IRAG2: variants seen among roughly 807,000 people sequenced by gnomAD.
IRAG2 encodes lymphoid restricted membrane protein.
A neutral mutation model predicts 69.9 loss-of-function variants in IRAG2; 45 were observed. The observed-to-expected ratio is 0.64, with a 90% CI of 0.51 to 0.83. The LOEUF is 0.83. IRAG2 is among the 40% of genes least tolerant of loss of function. The pLI is 0.00. For missense variants in IRAG2, 520 were observed against 587.0 expected (o/e 0.89, Z 1.18); for synonymous variants, 193 against 202.4 (o/e 0.95, Z 0.40).
intron 1 of IRAG2, among the ~76,000 whole-genome samples, chr12:25,054,081 C>T (rs187135686): frequency 1.1e-4 from 17 of 152,068 alleles, no homozygotes; most frequent in African/African-American, 2.2e-4. Context: ...AAATTACAAA[C>T]AAATAAATAA....
chr12:25,014,535 TA>T (rs1944504968), intron 3 of IRAG2, among the ~76,000 whole-genome samples: 1 of 152,144 alleles, frequency 6.6e-6, no homozygotes, highest in African/African-American at 2.4e-5. Flanking sequence ...TAAATTATAA[TA>T]TAGGACTCTG....
chr12:25,082,824 C>A (rs1433650957), intron 9 of IRAG2, among the ~76,000 whole-genome samples: 2 of 152,078 alleles, frequency 1.3e-5, no homozygotes, highest in African/African-American at 4.8e-5. Flanking sequence ...CTGCACTGAA[C>A]TAAATGTAGG....
intron 5 of IRAG2, among the ~76,000 whole-genome samples, chr12:25,016,297 C>G (rs1444230887): frequency 6.6e-6 from 1 of 151,986 alleles, no homozygotes; most frequent in Non-Finnish European, 1.5e-5. Flanking sequence ...ATGAAACACA[C>G]AGTCCAGAAT....
rs191885739 is a variant in IRAG2, at chr12:25,070,895, C to G, written c.24+1464C>G. ...TTCTCTCATGATTAATAATGAACAT[C>G]TTTTCATGTGTTTGTTGGCCATTTG... On this transcript the variant is annotated intron_variant, in intron 6 of 21. Transcript: ENST00000556887. Among the ~76,000 whole-genome samples, 592 of 152,276 alleles carry G rather than the reference C, an allele frequency of 3.9e-3. 5 individuals are homozygous for G. Among genetic ancestry groups the G allele is most frequent in the African/African-American group, 0.014 (577 of 41,548 alleles).
At chr12:25,000,787 GAGAT>G (rs982981660), upstream of IRAG2, among the ~76,000 whole-genome samples, 1 of 152,184 alleles carries the variant, frequency 6.6e-6, no homozygotes, top group African/African-American at 2.4e-5. Flanking sequence ...CCTTTTAAAA[GAGAT>G]AGACTCCAAG....
chr12:25,047,533 A>T (rs955274428), upstream of IRAG2, among the ~76,000 whole-genome samples: 1 of 152,116 alleles, frequency 6.6e-6, no homozygotes, highest in African/African-American at 2.4e-5. Flanking sequence ...TGTGTGCCAT[A>T]GTGGTTTGCT....
At position 25,103,898 on chromosome 12, in the gene IRAG2, T is replaced by A; in HGVS notation, c.995T>A (p.Met332Lys). 1 of 1,612,746 alleles carries A rather than the reference T, an allele frequency of 6.2e-7. No homozygotes were observed. Among genetic ancestry groups the A allele is most frequent in the Non-Finnish European group, 8.5e-7 (1 of 1,178,884 alleles). Residue 332 changes from methionine (M) to lysine (K), a missense_variant and splice_region_variant, in exon 18 of 22, where the codon ATG becomes AAG. Transcript: ENST00000556887. Reference protein sequence around the residue: ...SLPRNIGNAGMVAGMENNDRF... With the variant: ...SLPRNIGNAGKVAGMENNDRF... ...CCCAGAAATATTGGAAATGCAGGAA[T>A]GGTAAGACAATTCCTAAGTGTTCTT... is the stretch of plus-strand genomic sequence containing the variant.
chr12:25,028,628 GT>G (rs749472788), intron 9 of IRAG2, among the ~76,000 whole-genome samples: 3 of 151,984 alleles, frequency 2.0e-5, no homozygotes, highest in Non-Finnish European at 2.9e-5. Flanking sequence ...TTTGTTATCT[GT>G]CACACATTCT....
chr12:25,005,315 C>T (rs1944422751), exon 2 of IRAG2: 1 of 1,230,822 alleles, frequency 8.1e-7, no homozygotes, highest in Middle Eastern at 3.1e-4. Context: ...AGAAGAGGCA[C>T]TCACAAGTAT....
At chr12:25,077,299 AATATATATGAT>A (rs1946819061) in intron 6 of IRAG2, among the ~76,000 whole-genome samples, 1 of 39,528 alleles carries the variant, frequency 2.5e-5, no homozygotes, top group African/African-American at 1.0e-4. Flanking sequence ...ATATATATGA[AATATATATGAT>A]ATATATGATA....
chr12:25,084,548 T>G (rs1424157319), intron 10 of IRAG2, among the ~76,000 whole-genome samples: 1 of 150,498 alleles, frequency 6.6e-6, no homozygotes, highest in Non-Finnish European at 1.5e-5. Context: ...GGGGTGTGTG[T>G]GTGTGTGTGT....
intron 8 of IRAG2, among the ~76,000 whole-genome samples, chr12:25,025,432 AT>A (rs1944613148): frequency 6.6e-6 from 1 of 152,178 alleles, no homozygotes; most frequent in Non-Finnish European, 1.5e-5. Flanking sequence ...GTAGCAAGAG[AT>A]GCAGGCCAAG....
At chr12:25,051,398 C>A (rs901510124), upstream of IRAG2, among the ~76,000 whole-genome samples, 2 of 152,202 alleles carry the variant, frequency 1.3e-5, no homozygotes, top group Non-Finnish European at 1.5e-5. Flanking sequence ...ACAAGGCCTA[C>A]GGCTGACAAT....
At chr12:25,102,834 G>C (rs1176285111) in intron 17 of IRAG2, 1 of 152,276 alleles carries the variant, frequency 6.6e-6, no homozygotes, top group Non-Finnish European at 1.5e-5. Context: ...TAAGAAGGAA[G>C]AATGTGATAC....
At chr12:25,002,629 C>CT (rs1944399433), upstream of IRAG2, among the ~76,000 whole-genome samples, 1 of 146,922 alleles carries the variant, frequency 6.8e-6, no homozygotes, top group Non-Finnish European at 1.5e-5. Context: ...AGAGATCATT[C>CT]TTCTTCTTCT....
chr12:25,013,509 C>T (rs1174657016), intron 3 of IRAG2, among the ~76,000 whole-genome samples: 2 of 151,874 alleles, frequency 1.3e-5, no homozygotes, highest in African/African-American at 4.8e-5. Flanking sequence ...AAGGCAGGCT[C>T]TTTGAGAAGT....
chr12:25,025,835 G>T (rs1944617375), intron 8 of IRAG2, among the ~76,000 whole-genome samples: 1 of 152,164 alleles, frequency 6.6e-6, no homozygotes, highest in Non-Finnish European at 1.5e-5. Context: ...GTTGTTTCTA[G>T]TGTCTCAGTG....
intron 5 of IRAG2, chr12:25,017,118 ATTC>A (rs1944535902): frequency 1.6e-6 from 2 of 1,231,588 alleles, no homozygotes; most frequent in Admixed American, 8.4e-5. Flanking sequence ...ATTCTCATCT[ATTC>A]TTTTACTTGC....
chr12:25,009,805 GAAA>G (rs11340438), intron 2 of IRAG2, among the ~76,000 whole-genome samples: 10 of 149,930 alleles, frequency 6.7e-5, no homozygotes, highest in South Asian at 4.2e-4. Flanking sequence ...CTAGAAGCAG[GAAA>G]AAAAAAAAAA....
Sources: allele counts gnomAD v4.1 joint callset (sites outside exome capture counted in the v4.1 genomes callset), GRCh38; gene constraint gnomAD v4.1.1; transcripts MANE v1.5; gene names NCBI Gene and HGNC (gene_info 2026-07-23, HGNC 2026-07-21).